Variants in ENOX2 observed in about 807,000 individuals in gnomAD.
The protein encoded by ENOX2 is ecto-NOX disulfide-thiol exchanger 2.
Under a neutral mutation model 45.0 loss-of-function variants are expected in ENOX2, and 36 were observed. That is an observed-to-expected ratio of 0.80 (90% CI 0.61 to 1.06). The LOEUF is 1.06. Ranked by LOEUF, ENOX2 falls within the 50% of genes least tolerant of loss-of-function variation. ENOX2 has a pLI of 0.00. For synonymous variants in ENOX2, 174 were observed against 152.3 expected, an observed-to-expected ratio of 1.14 and a Z score of -1.05; for missense variants, 423 against 462.5, an observed-to-expected ratio of 0.91 and a Z score of 0.78.
chrX:130,867,489 A>G (rs1325861309), intron 2 of ENOX2, among the ~76,000 whole-genome samples: 1 of 111,391 alleles, frequency 9.0e-6, no homozygotes, highest in African/African-American at 3.3e-5. Context: ...CCCAGGCATG[A>G]TTTTACAACA....
chrX:130,670,728 T>TA (rs1238300056), intron 6 of ENOX2, among the ~76,000 whole-genome samples: 152 of 97,149 alleles, frequency 1.6e-3, no homozygotes, highest in African/African-American at 3.5e-3. Flanking sequence ...ATTTTTTTTC[T>TA]AAAAAAAAAA....
At chrX:130,842,444 G>A (rs756190328) in intron 2 of ENOX2, among the ~76,000 whole-genome samples, 2 of 111,135 alleles carry the variant, frequency 1.8e-5, no homozygotes, top group Non-Finnish European at 3.8e-5. Flanking sequence ...ATCCTTAAAC[G>A]AACCAAAGGC....
At chrX:130,836,148 C>T (rs1038212172) in intron 2 of ENOX2, among the ~76,000 whole-genome samples, 9 of 112,192 alleles carry the variant, frequency 8.0e-5, no homozygotes, top group African/African-American at 2.3e-4. Context: ...TCCAGAATCA[C>T]GGGATTTCTG....
intron 10 of ENOX2, among the ~76,000 whole-genome samples, chrX:130,652,255 C>T (rs912994986): frequency 8.9e-6 from 1 of 112,020 alleles, no homozygotes; most frequent in Non-Finnish European, 1.9e-5. Flanking sequence ...CAACCCAATT[C>T]GTTTCTAGTT....
chrX:130,640,661 C>T (rs1191624295), intron 10 of ENOX2, among the ~76,000 whole-genome samples: 3 of 111,778 alleles, frequency 2.7e-5, no homozygotes, highest in Non-Finnish European at 5.6e-5. Flanking sequence ...AACAGAAAAC[C>T]AAATACTACA....
chrX:130,723,886 C>A (rs974633687), intron 3 of ENOX2, among the ~76,000 whole-genome samples: 3 of 111,719 alleles, frequency 2.7e-5, no homozygotes, highest in African/African-American at 9.8e-5. Flanking sequence ...GGCACCCTTG[C>A]TATTTTCCCT....
chrX:130,705,558 A>G (rs955176105), intron 3 of ENOX2, among the ~76,000 whole-genome samples: 2 of 112,262 alleles, frequency 1.8e-5, no homozygotes, highest in African/African-American at 3.2e-5. Context: ...TTTCATCTCA[A>G]TGAAAGTGGT....
chrX:130,729,289 A>G (rs1374472688), intron 3 of ENOX2, among the ~76,000 whole-genome samples: 3 of 112,094 alleles, frequency 2.7e-5, no homozygotes, highest in Non-Finnish European at 5.6e-5. Context: ...TGAATTCTGG[A>G]AAAAGCTTCT....
intron 3 of ENOX2, among the ~76,000 whole-genome samples, chrX:130,704,665 C>T (rs2037991329): frequency 8.9e-6 from 1 of 112,121 alleles, no homozygotes; most frequent in Admixed American, 9.4e-5. Flanking sequence ...TATACATGTG[C>T]TATTTTGGTC....
chrX:130,681,738 T>C (rs1425478408), intron 5 of ENOX2, among the ~76,000 whole-genome samples: 1 of 112,238 alleles, frequency 8.9e-6, no homozygotes, highest in East Asian at 2.8e-4. Context: ...TGTGGCTCAA[T>C]GCCTAGCACT....
At chrX:130,714,576 C>T (rs1287512282) in intron 3 of ENOX2, among the ~76,000 whole-genome samples, 1 of 111,469 alleles carries the variant, frequency 9.0e-6, no homozygotes, top group Non-Finnish European at 1.9e-5. Flanking sequence ...GTGAAAACAA[C>T]ATAGGTAATC....
intron 10 of ENOX2, among the ~76,000 whole-genome samples, chrX:130,648,433 C>T (rs1226831018): frequency 9.3e-6 from 1 of 107,025 alleles, no homozygotes; most frequent in Non-Finnish European, 1.9e-5. Context: ...AGCGAAACTC[C>T]GTCTCCAAAA....
chrX:130,698,607 T>G lies in ENOX2; in HGVS notation c.97+4513A>C, dbSNP rs1382534625. ...GCTCTCCTTTCTCAGGATTGCAACT[T>G]TTTTGCCACTAAAAGCATACTCTAT... On this transcript the variant is annotated intron_variant, in intron 4 of 14. Transcript: ENST00000394363. 4.5e-5 allele frequency among the ~76,000 whole-genome samples: 5 copies of G among 111,858 alleles called. No individual in the cohort carries two copies. In the East Asian group the frequency reaches 1.4e-3, roughly 31 times the overall value.
intron 3 of ENOX2, among the ~76,000 whole-genome samples, chrX:130,763,826 T>G (rs1312265392): frequency 2.7e-5 from 3 of 111,082 alleles, no homozygotes; most frequent in Non-Finnish European, 3.8e-5. Context: ...GGTAGAAATC[T>G]ATGCTCCCTA....
intron 2 of ENOX2, among the ~76,000 whole-genome samples, chrX:130,815,918 G>T (rs2077475775): frequency 9.0e-6 from 1 of 111,308 alleles, no homozygotes; most frequent in African/African-American, 3.3e-5. Flanking sequence ...AAATATAAAT[G>T]GGCTAAATGT....
chrX:130,790,204 C>T (rs770958498), intron 2 of ENOX2, among the ~76,000 whole-genome samples: 15 of 112,532 alleles, frequency 1.3e-4, no homozygotes, highest in African/African-American at 2.6e-4. Flanking sequence ...AAGTCCTTTT[C>T]GGAAGCACTA....
intron 3 of ENOX2, among the ~76,000 whole-genome samples, chrX:130,752,236 A>T (rs2039240540): frequency 1.0e-5 from 1 of 97,893 alleles, no homozygotes; most frequent in Non-Finnish European, 2.1e-5. Context: ...CCTGCATGTG[A>T]CTCCCTCTTT....
intron 3 of ENOX2, among the ~76,000 whole-genome samples, chrX:130,704,772 C>T (rs2037994929): frequency 8.9e-6 from 1 of 112,015 alleles, no homozygotes; most frequent in African/African-American, 3.2e-5. Flanking sequence ...GCCTCTTCCC[C>T]CTTAATCCCT....
intron 3 of ENOX2, among the ~76,000 whole-genome samples, chrX:130,735,829 G>A (rs1325711261): frequency 9.0e-6 from 1 of 111,140 alleles, no homozygotes; most frequent in African/African-American, 3.3e-5. Flanking sequence ...GACATTGAAA[G>A]ATGCCAAGAT....
Sources: gnomAD v4.1 joint callset for allele counts (sites outside exome capture counted in the v4.1 genomes callset) on GRCh38, gnomAD v4.1.1 for gene constraint, MANE v1.5 for transcripts, NCBI Gene and HGNC (gene_info 2026-07-23, HGNC 2026-07-21) for gene names.